BABAM2: variants seen among roughly 807,000 people sequenced by gnomAD.
The protein encoded by BABAM2 is BRISC and BRCA1 A complex member 2, also known as BRISC and BRCA1-A complex member 2.
In BABAM2, 31 loss-of-function variants were observed where a neutral mutation model predicts 54.7. That is an observed-to-expected ratio of 0.57 (90% CI 0.43 to 0.77). BABAM2 has a LOEUF of 0.77. Among genes scored for constraint, BABAM2 ranks in the 30% least tolerant of loss-of-function variants. The pLI, the probability that BABAM2 is intolerant of heterozygous loss-of-function variation, is 0.00. For synonymous variants in BABAM2, 167 were observed against 162.9 expected (o/e 1.03, Z -0.19); for missense variants, 364 against 455.8 (o/e 0.80, Z 1.83).
chr2:27,948,739 C>T (rs991694922), intron 3 of BABAM2, among the ~76,000 whole-genome samples: 1 of 151,960 alleles, frequency 6.6e-6, no homozygotes, highest in African/African-American at 2.4e-5. Context: ...CCACTGCACT[C>T]CAGCCTGGAT....
At chr2:28,150,744 C>G (rs1671946773) in intron 7 of BABAM2, among the ~76,000 whole-genome samples, 1 of 152,210 alleles carries the variant, frequency 6.6e-6, no homozygotes, top group Non-Finnish European at 1.5e-5. Context: ...GTTTCTACCT[C>G]TCACTCTAGC....
At position 28,150,845 on chromosome 2, in the gene BABAM2, C is replaced by T. The variant is rs540987361; in HGVS notation, c.680+21465C>T. Among the ~76,000 whole-genome samples the T allele has an allele frequency of 3.9e-5, 6 of 152,330 alleles. No individual in the cohort carries two copies. In the South Asian group the frequency reaches 1.2e-3, roughly 32 times the overall value. ...GTGAACTGGATGGTCCTCCCAGCAA[C>T]TGCAGTTTCATTCTTTATCTTTAAA... On this transcript the variant is annotated intron_variant, in intron 7 of 11. Coordinates refer to ENST00000379624, the MANE Select transcript of BABAM2 (RefSeq NM_199191.3).
chr2:28,232,352 A>G (rs1177999672), intron 7 of BABAM2, among the ~76,000 whole-genome samples: 2 of 152,218 alleles, frequency 1.3e-5, no homozygotes, highest in Non-Finnish European at 2.9e-5. Context: ...CCAAGCTTTC[A>G]GACAGGCTGA....
chr2:28,129,430 T>C, intron 7 of BABAM2, 50 bp downstream of exon 7: 1 of 1,430,962 alleles, frequency 7.0e-7, no homozygotes, highest in Non-Finnish European at 9.9e-7. Flanking sequence ...TGCTAACCAA[T>C]ATGTCTCATT....
chr2:28,128,034 G>A (rs979299427), intron 6 of BABAM2, among the ~76,000 whole-genome samples: 1 of 151,950 alleles, frequency 6.6e-6, no homozygotes, highest in Non-Finnish European at 1.5e-5. Flanking sequence ...GGATGGTCTC[G>A]ATTTCCTGAC....
intron 3 of BABAM2, among the ~76,000 whole-genome samples, chr2:27,957,526 C>G (rs1240728667): frequency 6.6e-6 from 1 of 152,104 alleles, no homozygotes; most frequent in African/African-American, 2.4e-5. Flanking sequence ...TTTATCTCTG[C>G]CTAGAATTAC....
intron 3 of BABAM2, among the ~76,000 whole-genome samples, chr2:27,942,840 T>G (rs1344189783): frequency 7.7e-6 from 1 of 130,652 alleles, no homozygotes; most frequent in Non-Finnish European, 1.6e-5. Context: ...TAAGACAGGG[T>G]CTTGCTTTGT....
chr2:28,116,789 C>T (rs902814378), intron 6 of BABAM2, among the ~76,000 whole-genome samples: 12 of 152,154 alleles, frequency 7.9e-5, no homozygotes, highest in Non-Finnish European at 1.3e-4. Context: ...GGCACTTCCA[C>T]GTACATTTGC....
At chr2:28,047,628 A>G (rs1558685507) in intron 6 of BABAM2, among the ~76,000 whole-genome samples, 1 of 150,602 alleles carries the variant, frequency 6.6e-6, no homozygotes, top group African/African-American at 2.4e-5. Context: ...CTAACTTTAT[A>G]TGCTGTTCTT....
At chr2:28,236,330 G>GA (rs1451184581) in intron 7 of BABAM2, among the ~76,000 whole-genome samples, 1 of 150,778 alleles carries the variant, frequency 6.6e-6, no homozygotes, top group Admixed American at 6.6e-5. Context: ...CATTTAAACT[G>GA]AAAAAAAGAA....
chr2:28,100,542 G>A (rs1224578928), intron 6 of BABAM2, among the ~76,000 whole-genome samples: 1 of 150,808 alleles, frequency 6.6e-6, no homozygotes, highest in Admixed American at 6.6e-5. Context: ...GTGTATATGT[G>A]TATGCCCGTT....
upstream of BABAM2, chr2:27,890,265 G>C: frequency 6.2e-7 from 1 of 1,613,658 alleles, no homozygotes. This position sits in a 1 kb window ranked among gnomAD's most constrained non-coding sequence, Gnocchi z 4.8. Flanking sequence ...ACCTGACCAG[G>C]TCGGTCATGC....
chr2:28,092,476 A>G (rs935545641), intron 6 of BABAM2, among the ~76,000 whole-genome samples: 19 of 152,326 alleles, frequency 1.2e-4, no homozygotes, highest in African/African-American at 4.3e-4. Context: ...CATTTAAAAT[A>G]GCATCAAAAA....
At position 27,912,247 on chromosome 2, in the gene BABAM2, CT is replaced by C. The variant is rs1015566444; in HGVS notation, c.128+17574del. On this transcript the variant is annotated intron_variant, in intron 2 of 11. Transcript: ENST00000379624. ...GACCTACATTCGCAGACTCCTTATT[CT>C]TTTTTTTTTTCCATTATTAAAGTTA... 3.3e-3 allele frequency among the ~76,000 whole-genome samples: 483 copies of C among 146,970 alleles called. 2 individuals carry two copies. The highest frequency in any genetic ancestry group is 0.01 in the African/African-American group (424 of 40,386).
At chr2:28,303,021 T>TTTTTCC (rs1424180844) in intron 11 of BABAM2, among the ~76,000 whole-genome samples, 1 of 152,170 alleles carries the variant, frequency 6.6e-6, no homozygotes, top group Non-Finnish European at 1.5e-5. Context: ...TTTCATTTTC[T>TTTTTCC]TTTTCCTTTT....
At chr2:28,213,880 T>C (rs1298288200) in intron 7 of BABAM2, among the ~76,000 whole-genome samples, 2 of 151,816 alleles carry the variant, frequency 1.3e-5, no homozygotes, top group African/African-American at 2.4e-5. Context: ...ATTTACTTGG[T>C]TTTCTATGTT....
chr2:27,913,467 A>G (rs1172697112), intron 2 of BABAM2, among the ~76,000 whole-genome samples: 1 of 152,204 alleles, frequency 6.6e-6, no homozygotes, highest in African/African-American at 2.4e-5. Context: ...AATTGGAGAT[A>G]CTGTTTTTTA....
chr2:28,239,047 G>A (rs981933214), intron 8 of BABAM2, among the ~76,000 whole-genome samples: 2 of 152,078 alleles, frequency 1.3e-5, no homozygotes, highest in African/African-American at 4.8e-5. Flanking sequence ...AGCCAGTTTT[G>A]TTGTGGGTTT....
At chr2:28,141,363 A>G (rs1170224217) in intron 7 of BABAM2, among the ~76,000 whole-genome samples, 1 of 152,198 alleles carries the variant, frequency 6.6e-6, no homozygotes, top group African/African-American at 2.4e-5. Flanking sequence ...AAGGATATAT[A>G]ATGGATGATC....
Sources: gnomAD v4.1 joint callset for allele counts (sites outside exome capture counted in the v4.1 genomes callset) on GRCh38, gnomAD v4.1.1 for gene constraint, Gnocchi (gnomAD v3.1) non-coding constraint, MANE v1.5 for transcripts, NCBI Gene and HGNC (gene_info 2026-07-23, HGNC 2026-07-21) for gene names.